The following MBNL1 variants were observed in gnomAD, a reference collection of about 807,000 sequenced individuals.
The protein encoded by MBNL1 is muscleblind like splicing regulator 1.
Under a neutral mutation model 42.2 loss-of-function variants are expected in MBNL1, and 8 were observed. The observed-to-expected ratio is 0.19, with a 90% CI of 0.11 to 0.34. The LOEUF is 0.34. Ranked by LOEUF, MBNL1 falls within the 10% of genes least tolerant of loss-of-function variation. The pLI, the probability that MBNL1 is intolerant of heterozygous loss-of-function variation, is 1.00. For synonymous variants in MBNL1, 169 were observed against 173.9 expected (o/e 0.97, Z 0.22); for missense variants, 309 against 495.3 (o/e 0.62, Z 3.57).
chr3:152,339,186 TAC>T (rs2092361727), intron 2 of MBNL1, among the ~76,000 whole-genome samples: 1 of 152,202 alleles, frequency 6.6e-6, no homozygotes, highest in Admixed American at 6.5e-5. Flanking sequence ...AGGGATGCAT[TAC>T]TGTCCTTTGT....
chr3:152,293,967 A>C (rs1410804880), intron 1 of MBNL1, among the ~76,000 whole-genome samples: 1 of 151,838 alleles, frequency 6.6e-6, no homozygotes, highest in Non-Finnish European at 1.5e-5. Context: ...ATATATATAT[A>C]TATGTAATTT....
chr3:152,293,889 T>G (rs1047207224), intron 1 of MBNL1, among the ~76,000 whole-genome samples: 1 of 152,140 alleles, frequency 6.6e-6, no homozygotes, highest in African/African-American at 2.4e-5. Context: ...TTTTCATACC[T>G]TGTAAGCATC....
intron 2 of MBNL1, chr3:152,340,808 C>G: frequency 6.2e-7 from 1 of 1,614,004 alleles, no homozygotes; most frequent in Non-Finnish European, 8.5e-7. Context: ...ACAGAACCTA[C>G]TTTTGCATAA....
intron 2 of MBNL1, among the ~76,000 whole-genome samples, chr3:152,408,650 G>T (rs2098493267): frequency 6.6e-6 from 1 of 151,524 alleles, no homozygotes; most frequent in African/African-American, 2.4e-5. Context: ...ACTAGATACT[G>T]GTATAACTGG....
At chr3:152,461,983 T>A (rs895436868) in intron 9 of MBNL1, among the ~76,000 whole-genome samples, 2 of 152,106 alleles carry the variant, frequency 1.3e-5, no homozygotes, top group Non-Finnish European at 2.9e-5. Context: ...ATAGAACATA[T>A]TACATGAATT....
At chr3:152,253,752 G>A (rs1341857884) in intron 2 of MBNL1, among the ~76,000 whole-genome samples, 1 of 151,956 alleles carries the variant, frequency 6.6e-6, no homozygotes, top group Non-Finnish European at 1.5e-5. Context: ...ACACATCTTA[G>A]TGTGACACAA....
intron 1 of MBNL1, among the ~76,000 whole-genome samples, chr3:152,272,039 T>TTC (rs139763690): frequency 0.3 from 44,520 of 147,564 alleles, 6,731 homozygotes; most frequent in East Asian, 0.47. Context: ...CCTGTTTCTT[T>TTC]TCTCTCTCTC....
chr3:152,334,987 C>G, intron 2 of MBNL1: 1 of 823,694 alleles, frequency 1.2e-6, no homozygotes, highest in Non-Finnish European at 1.6e-6. Context: ...AATGCTTTGG[C>G]TAGCATCCTG....
intron 2 of MBNL1, among the ~76,000 whole-genome samples, chr3:152,314,059 T>C (rs115379740): frequency 0.011 from 1,747 of 152,358 alleles, 14 homozygotes; most frequent in Non-Finnish European, 0.019. Flanking sequence ...ATTATTTATG[T>C]AAATTTTCTC....
rs184339180 is a variant in MBNL1 at position 152,402,374 on chromosome 3, A to G, written c.175-12567A>G. Among the ~76,000 whole-genome samples, 15 of 152,322 alleles carry G rather than the reference A, an allele frequency of 9.8e-5. No individual in the cohort carries two copies. In the East Asian group the frequency reaches 2.1e-3, roughly 22 times the overall value. On this transcript the variant is annotated intron_variant, in intron 2 of 9. Transcript: ENST00000324210. Reference sequence around the variant, plus strand: ...TCATAGAAGAGGAGGTTACAATTCAATGAGGTTTAATAATTAACCCAAAGT... The same window carrying G: ...TCATAGAAGAGGAGGTTACAATTCAGTGAGGTTTAATAATTAACCCAAAGT...
At chr3:152,454,963 A>G (rs767091685) in intron 6 of MBNL1, among the ~76,000 whole-genome samples, 9 of 152,212 alleles carry the variant, frequency 5.9e-5, no homozygotes, top group Non-Finnish European at 1.2e-4. Context: ...CAAATCCTGT[A>G]TGAATAATTA....
At chr3:152,275,464 A>G (rs2044429151) in intron 1 of MBNL1, among the ~76,000 whole-genome samples, 1 of 152,128 alleles carries the variant, frequency 6.6e-6, no homozygotes, top group Non-Finnish European at 1.5e-5. Context: ...TAATCCCAGC[A>G]CTTTGGGAGG....
chr3:152,339,896 T>C (rs1262892110), intron 2 of MBNL1: 1 of 152,220 alleles, frequency 6.6e-6, no homozygotes, highest in Non-Finnish European at 1.5e-5. Flanking sequence ...ACAGATACCC[T>C]AAATCTCAAA....
At chr3:152,285,966 T>G (rs1299183246) in intron 1 of MBNL1, among the ~76,000 whole-genome samples, 1 of 151,916 alleles carries the variant, frequency 6.6e-6, no homozygotes, top group Admixed American at 6.6e-5. Flanking sequence ...ATGAACACCT[T>G]GCAGATTTTA....
Position 152,268,960 on chromosome 3 carries a change from C to T in MBNL1, c.-922C>T, listed in dbSNP as rs969603748. ...TTCACTGCAGCTGAATGAGTTGTGG[C>T]GCCCACAATGCTCCCATGACAAGGA... On this transcript the variant is annotated 5_prime_UTR_variant, in exon 1 of 10. Transcript: ENST00000324210. The T allele has an allele frequency of 1.3e-5, 6 of 456,138 alleles. No individual in the cohort carries two copies. Among genetic ancestry groups the T allele is most frequent in the African/African-American group, 1.0e-4 (5 of 50,084 alleles). 28.3% of individuals were successfully genotyped at this position (456,138 alleles called of 1,614,324 possible). A position where few individuals can be genotyped will look rare whatever the true frequency, so the allele number is the denominator to read the frequency against.
At chr3:152,289,590 GA>G (rs1346483006) in intron 1 of MBNL1, among the ~76,000 whole-genome samples, 1 of 151,500 alleles carries the variant, frequency 6.6e-6, no homozygotes, top group Non-Finnish European at 1.5e-5. Flanking sequence ...TTATTTTTTT[GA>G]AAAAAAGTCA....
At chr3:152,357,476 A>G (rs527254567) in intron 2 of MBNL1, among the ~76,000 whole-genome samples, 16 of 152,336 alleles carry the variant, frequency 1.1e-4, no homozygotes, top group African/African-American at 3.6e-4. Flanking sequence ...TCTTAGTACT[A>G]CATTTCCAAC....
chr3:152,308,172 T>C (rs1236504311), intron 2 of MBNL1, among the ~76,000 whole-genome samples: 1 of 152,206 alleles, frequency 6.6e-6, no homozygotes, highest in Non-Finnish European at 1.5e-5. Flanking sequence ...GCTTGAGTTA[T>C]AGTTCAGTAC....
intron 2 of MBNL1, among the ~76,000 whole-genome samples, chr3:152,406,656 A>G (rs1336639847): frequency 6.6e-6 from 1 of 152,138 alleles, no homozygotes. Context: ...TGGGGAAAAA[A>G]AAGTCATAGT....
Sources: allele counts gnomAD v4.1 joint callset (sites outside exome capture counted in the v4.1 genomes callset), GRCh38; gene constraint gnomAD v4.1.1; transcripts MANE v1.5; gene names NCBI Gene and HGNC (gene_info 2026-07-23, HGNC 2026-07-21).